Variants in KAT14 observed in about 807,000 individuals in gnomAD.
The protein encoded by KAT14 is cysteine-rich protein 2-binding protein.
KAT14 carries 66 observed loss-of-function variants against 78.4 expected under a neutral mutation model. That is an observed-to-expected ratio of 0.84 (90% CI 0.69 to 1.03). The LOEUF is 1.03. Among genes scored for constraint, KAT14 ranks in the 50% least tolerant of loss-of-function variants. KAT14 has a pLI of 0.00. For missense variants in KAT14, 870 were observed against 972.5 expected, an observed-to-expected ratio of 0.89 and a Z score of 1.40; for synonymous variants, 344 against 359.4, an observed-to-expected ratio of 0.96 and a Z score of 0.48.
chr20:18,165,095 T>A (rs901619027), intron 7 of KAT14, among the ~76,000 whole-genome samples: 1 of 152,212 alleles, frequency 6.6e-6, no homozygotes, highest in Non-Finnish European at 1.5e-5. Context: ...TAAAGAGTGT[T>A]GTAAACACCT....
At chr20:18,171,168 G>C (rs578103489) in intron 7 of KAT14, among the ~76,000 whole-genome samples, 3 of 152,290 alleles carry the variant, frequency 2.0e-5, no homozygotes, top group Admixed American at 2.0e-4. Flanking sequence ...ACAGGAGTTT[G>C]GAAGAAGTTG....
intron 3 of KAT14, among the ~76,000 whole-genome samples, chr20:18,150,164 G>A (rs1206123959): frequency 3.3e-5 from 5 of 152,136 alleles, no homozygotes; most frequent in Non-Finnish European, 7.4e-5. Flanking sequence ...TTGTCTTGGA[G>A]CGCTCTGAAA....
At chr20:18,147,669 C>A (rs1763205193) in intron 3 of KAT14, among the ~76,000 whole-genome samples, 1 of 152,216 alleles carries the variant, frequency 6.6e-6, no homozygotes, top group African/African-American at 2.4e-5. Context: ...ACTGCAACCT[C>A]CGCCTCCCAG....
Position 18,145,364 on chromosome 20 carries a change from C to T in KAT14, c.378+13C>T. The T allele has an allele frequency of 3.1e-6, 5 of 1,613,638 alleles. No homozygotes were observed. In the Admixed American group the frequency reaches 8.3e-5, roughly 27 times the overall value. On this transcript the variant is annotated intron_variant, in intron 3 of 10. Coordinates refer to ENST00000688188, the MANE Select transcript of KAT14 (RefSeq NM_001392073.1). ...GACATGGCAGCAAGTGAGTAAAAAG[C>T]CCTTCCCCAAATCCATGAGGGTGGT...
chr20:18,162,007 T>G lies in KAT14; in HGVS notation c.867T>G (p.Pro289=), dbSNP rs1455117258. ...GFLDRSTSST[P]VKFISRGRRP... ...TTGACAGGAGCACATCTTCTACCCC[T>G]GTAAAATTCATAAGCCGAGGCCGCA... is the stretch of plus-strand genomic sequence containing the variant. Residue 289 remains proline (P), a synonymous_variant, in exon 6 of 11, where the codon CCT becomes CCG. Transcript: ENST00000688188. 1 of 1,614,238 alleles carries G rather than the reference T, an allele frequency of 6.2e-7. No homozygotes were observed. The highest frequency in any genetic ancestry group is 8.5e-7 in the Non-Finnish European group (1 of 1,180,040).
At chr20:18,182,420 C>T (rs1356760727) in intron 8 of KAT14, among the ~76,000 whole-genome samples, 1 of 152,174 alleles carries the variant, frequency 6.6e-6, no homozygotes, top group South Asian at 2.1e-4. Context: ...CTGGGGCCGG[C>T]CCTCATTATG....
intron 7 of KAT14, among the ~76,000 whole-genome samples, chr20:18,173,132 AGATGGTTCCTTTTCCC>A (rs2038909070): frequency 6.6e-6 from 1 of 152,222 alleles, no homozygotes; most frequent in African/African-American, 2.4e-5. Flanking sequence ...TTTTATTTTA[AGATGGTTCCTTTTCCC>A]CTCCTCCATC....
intron 7 of KAT14, among the ~76,000 whole-genome samples, chr20:18,172,837 G>A (rs1182672831): frequency 6.6e-6 from 1 of 152,210 alleles, no homozygotes; most frequent in Non-Finnish European, 1.5e-5. Context: ...GGTAAGAGGA[G>A]CTGTGATAAG....
intron 9 of KAT14, chr20:18,183,632 C>T (rs1049640738): frequency 1.3e-6 from 1 of 741,360 alleles, no homozygotes; most frequent in Middle Eastern, 6.9e-4. Context: ...TGTTTGGACA[C>T]TTTTGTTTTT....
Position 18,138,107 on chromosome 20 carries a change from CCT to C in KAT14, c.-454+60_-454+61del, listed in dbSNP as rs1032122508. The C allele has an allele frequency of 1.3e-4, 181 of 1,428,324 alleles. No individual in the cohort carries two copies. In the African/African-American group the frequency reaches 2.5e-3, roughly 20 times the overall value. The allele number at this position is 1,428,324 out of a possible 1,614,324, so 88.5% of individuals were successfully genotyped here. ...CCGCGCGCGCGGCGTCGACCTGGGG[CCT>C]CTCGTGGTCTCTGCCCGCTCGGTTC... On this transcript the variant is annotated intron_variant, in intron 1 of 10. Transcript: ENST00000688188.
chr20:18,151,289 C>T (rs1488287690), intron 4 of KAT14, among the ~76,000 whole-genome samples: 4 of 152,066 alleles, frequency 2.6e-5, no homozygotes, highest in African/African-American at 7.2e-5. Flanking sequence ...CGCCACCTCC[C>T]GGGTTCAAGC....
intron 7 of KAT14, among the ~76,000 whole-genome samples, chr20:18,171,918 C>T (rs1396082169): frequency 6.6e-6 from 1 of 152,170 alleles, no homozygotes; most frequent in Admixed American, 6.5e-5. Context: ...TCAGCAGCCA[C>T]CACCACCCTG....
rs201097721 is a variant in KAT14 at position 18,187,495 on chromosome 20, T to C, written c.*36T>C. ...GCTCACAGAGAAACGCATGTGCTAT[T>C]GGAGAACAGGTCTTTGTGGAGATCT... On this transcript the variant is annotated 3_prime_UTR_variant, in exon 11 of 11. Transcript: ENST00000688188. The C allele has an allele frequency of 7.3e-5, 118 of 1,612,008 alleles. No individual in the cohort carries two copies. The Admixed American group carries it at 1.8e-3, about 24-fold the overall frequency.
At position 18,142,297 on chromosome 20, in the gene KAT14, T is replaced by A. The variant is rs1381360119; in HGVS notation, c.-364T>A. On this transcript the variant is annotated 5_prime_UTR_variant, in exon 2 of 11. Coordinates refer to ENST00000688188, the MANE Select transcript of KAT14 (RefSeq NM_001392073.1). ...TTTTGGGAGAACAGATTATTTTGAC[T>A]GAGCAACTTGAAGCAGAAAGAGAGA... 6.5e-7 allele frequency: 1 copy of A among 1,537,026 alleles called. No homozygotes were observed. The highest frequency in any genetic ancestry group is 8.7e-7 in the Non-Finnish European group (1 of 1,146,902).
At chr20:18,157,813 T>C (rs1399865851) in intron 4 of KAT14, among the ~76,000 whole-genome samples, 1 of 152,224 alleles carries the variant, frequency 6.6e-6, no homozygotes, top group Non-Finnish European at 1.5e-5. Flanking sequence ...TGAATAATAT[T>C]CTATTGTATG....
At chr20:18,175,557 G>A (rs2039007802) in intron 7 of KAT14, among the ~76,000 whole-genome samples, 1 of 152,036 alleles carries the variant, frequency 6.6e-6, no homozygotes, top group Non-Finnish European at 1.5e-5. Context: ...CATGTCTGTA[G>A]CATCTCTCAG....
At chr20:18,146,637 C>T (rs1318464722) in intron 3 of KAT14, among the ~76,000 whole-genome samples, 3 of 151,940 alleles carry the variant, frequency 2.0e-5, no homozygotes, top group Non-Finnish European at 4.4e-5. Context: ...ACAGCCTAGG[C>T]AACAAGAGTG....
intron 3 of KAT14, 111 bp from the exon 4 acceptor site, chr20:18,150,710 T>A (rs2038001019): frequency 4.0e-6 from 6 of 1,518,470 alleles, no homozygotes; most frequent in Admixed American, 4.1e-5. Context: ...TTGTTCGCTC[T>A]GTTCCCCACC....
rs1477864962 is a variant in KAT14, at chr20:18,142,566, T to A, written c.-95T>A. The stretch of plus-strand genomic sequence containing the variant: ...TGGGCAGACACTTTTTGGAAGAGTC[T>A]GTCTGGGTGATCCTGGTAGAAGCCC... On this transcript the variant is annotated 5_prime_UTR_variant, in exon 2 of 11. Transcript: ENST00000688188. 14 of 1,547,708 alleles carry A rather than the reference T, an allele frequency of 9.0e-6. No individual in the cohort carries two copies. Among genetic ancestry groups the A allele is most frequent in the Non-Finnish European group, 1.2e-5 (14 of 1,145,462 alleles).
Sources: gnomAD v4.1 joint callset for allele counts (sites outside exome capture counted in the v4.1 genomes callset) on GRCh38, gnomAD v4.1.1 for gene constraint, MANE v1.5 for transcripts, NCBI Gene and HGNC (gene_info 2026-07-23, HGNC 2026-07-21) for gene names.